FUT8: variants seen among roughly 807,000 people sequenced by gnomAD.
FUT8 encodes the protein alpha-(1,6)-fucosyltransferase.
A neutral mutation model predicts 71.3 loss-of-function variants in FUT8; 29 were observed. That is an observed-to-expected ratio of 0.41 (90% CI 0.30 to 0.55). FUT8 has a LOEUF of 0.55. Ranked by LOEUF, FUT8 falls within the 20% of genes least tolerant of loss-of-function variation. The pLI, the probability that FUT8 is intolerant of heterozygous loss-of-function variation, is 0.34. For missense variants in FUT8, 544 were observed against 702.1 expected (o/e 0.77, Z 2.55); for synonymous variants, 254 against 239.3 (o/e 1.06, Z -0.57).
Position 65,709,098 on chromosome 14 carries a change from C to T in FUT8, c.836-12677C>T, listed in dbSNP as rs574039438. Among the ~76,000 whole-genome samples the T allele has an allele frequency of 4.6e-5, 7 of 152,144 alleles. No individual in the cohort carries two copies. In the South Asian group the frequency reaches 1.5e-3, roughly 32 times the overall value. Reference sequence around the variant, plus strand: ...TACAACGTATATAAATATCAAAACACCACATTGAACCCCATAAAAATACAT... The same window carrying T: ...TACAACGTATATAAATATCAAAACATCACATTGAACCCCATAAAAATACAT... On this transcript the variant is annotated intron_variant, in intron 7 of 10. Coordinates refer to ENST00000673929, the MANE Select transcript of FUT8 (RefSeq NM_001371533.1).
the FUT8 span, among the ~76,000 whole-genome samples, chr14:65,390,196 A>G: frequency 2.3e-4 from 35 of 151,114 alleles, no homozygotes; most frequent in East Asian, 4.4e-3. Context: ...ATATATATGT[A>G]TATATACAGT....
At chr14:65,540,663 A>T (rs1178841882) in intron 2 of FUT8, among the ~76,000 whole-genome samples, 1 of 152,222 alleles carries the variant, frequency 6.6e-6, no homozygotes, top group Non-Finnish European at 1.5e-5. Flanking sequence ...ATACTCTGTA[A>T]TGTTCAGAAT....
chr14:65,700,090 C>T (rs966559174), intron 7 of FUT8, among the ~76,000 whole-genome samples: 1 of 152,134 alleles, frequency 6.6e-6, no homozygotes, highest in Admixed American at 6.5e-5. Flanking sequence ...GTAACATAAT[C>T]TGATTATGTT....
intron 7 of FUT8, among the ~76,000 whole-genome samples, chr14:65,684,372 G>A (rs1956010): frequency 0.6 from 90,678 of 151,946 alleles, 27,484 homozygotes; most frequent in East Asian, 0.75. Context: ...GGTCTTTAGA[G>A]TATGCTAAGA....
intron 2 of FUT8, among the ~76,000 whole-genome samples, chr14:65,458,783 TTTTC>T (rs1404425075): frequency 3.3e-5 from 5 of 151,312 alleles, no homozygotes; most frequent in Non-Finnish European, 7.4e-5. Context: ...CTTTCTTTTC[TTTTC>T]TTTCTTTTTT....
rs1267344913 is a variant in FUT8, at chr14:65,643,058, A to G, written c.597+13452A>G. 6.6e-6 allele frequency among the ~76,000 whole-genome samples: 1 copy of G among 152,166 alleles called. No homozygotes were observed. The highest frequency in any genetic ancestry group is 2.4e-5 in the African/African-American group (1 of 41,438). On this transcript the variant is annotated intron_variant, in intron 6 of 10. Transcript: ENST00000673929. The surrounding 1 kb of genome is among the most constrained non-coding windows in gnomAD (Gnocchi z 4.5). ...TAGGATAACTTACAGTAAGCCACAA[A>G]TTAATTCCTCCTTCATTTAAAACTA...
At chr14:65,535,004 A>G (rs1884200045) in intron 2 of FUT8, among the ~76,000 whole-genome samples, 2 of 151,100 alleles carry the variant, frequency 1.3e-5, no homozygotes, top group Admixed American at 1.3e-4. Context: ...TTTAGTTGTG[A>G]TATTAGGTTG....
chr14:65,363,665 G>A, the FUT8 span, among the ~76,000 whole-genome samples: 2 of 152,232 alleles, frequency 1.3e-5, no homozygotes, highest in East Asian at 3.9e-4. Flanking sequence ...AAGACAAAGG[G>A]ACACAGAGAA....
intron 7 of FUT8, among the ~76,000 whole-genome samples, chr14:65,671,821 A>G (rs916236186): frequency 2.6e-5 from 4 of 152,228 alleles, no homozygotes; most frequent in Non-Finnish European, 5.9e-5. Flanking sequence ...ACTATTGAAC[A>G]TATTTCCAAG....
intron 6 of FUT8, among the ~76,000 whole-genome samples, chr14:65,664,662 A>G (rs1342073854): frequency 6.6e-6 from 1 of 152,078 alleles, no homozygotes; most frequent in Non-Finnish European, 1.5e-5. Context: ...CTTTGGAATC[A>G]TTTTATAGAC....
At chr14:65,662,480 C>T (rs183068898) in intron 6 of FUT8, among the ~76,000 whole-genome samples, 176 of 152,264 alleles carry the variant, frequency 1.2e-3, no homozygotes, top group Non-Finnish European at 1.9e-3. Context: ...TTTATATGTA[C>T]TATGATGACA....
Position 65,472,088 on chromosome 14 carries a change from T to C in FUT8, c.-228+16370T>C, listed in dbSNP as rs2066155962. 6.6e-6 allele frequency among the ~76,000 whole-genome samples: 1 copy of C among 152,192 alleles called. No homozygotes were observed. Among genetic ancestry groups the C allele is most frequent in the African/African-American group, 2.4e-5 (1 of 41,446 alleles). ...GTTGCTATGTAGGAATACCTGAGGC[T>C]AGGTAATTTATAAAGAGTTTGATTT... On this transcript the variant is annotated intron_variant, in intron 2 of 10. Transcript: ENST00000673929. This position sits in a 1 kb window ranked among gnomAD's most constrained non-coding sequence, Gnocchi z 4.4.
At chr14:65,595,284 G>A (rs536053853) in intron 3 of FUT8, among the ~76,000 whole-genome samples, 21 of 152,242 alleles carry the variant, frequency 1.4e-4, no homozygotes, top group South Asian at 6.2e-4. Context: ...TCAGAATGCC[G>A]TTAACTAGCA....
rs1443107017 is a variant in FUT8 at position 65,489,609 on chromosome 14, T to A, written c.-228+33891T>A. ...AATTGTCCAGGAAATTAGCTGTTGA[T>A]CATATTTAAAATATAACATAAAAAT... is the stretch of plus-strand genomic sequence containing the variant. On this transcript the variant is annotated intron_variant, in intron 2 of 10. Coordinates refer to ENST00000673929, the MANE Select transcript of FUT8 (RefSeq NM_001371533.1). This position sits in a 1 kb window ranked among gnomAD's most constrained non-coding sequence, Gnocchi z 4.0. 6.6e-6 allele frequency among the ~76,000 whole-genome samples: 1 copy of A among 152,170 alleles called. No homozygotes were observed. The highest frequency in any genetic ancestry group is 1.5e-5 in the Non-Finnish European group (1 of 68,000).
At chr14:65,671,219 G>A (rs1566887160) in intron 7 of FUT8, among the ~76,000 whole-genome samples, 1 of 152,168 alleles carries the variant, frequency 6.6e-6, no homozygotes, top group Non-Finnish European at 1.5e-5. Flanking sequence ...TCAGAAAAGT[G>A]AAAAGTTACA....
chr14:65,376,222 A>T, the FUT8 span, among the ~76,000 whole-genome samples: 1 of 152,214 alleles, frequency 6.6e-6, no homozygotes, highest in African/African-American at 2.4e-5. Flanking sequence ...CATGATTATT[A>T]TTCTAGCAAA....
At chr14:65,474,628 G>C (rs1192785867) in intron 2 of FUT8, among the ~76,000 whole-genome samples, 1 of 151,790 alleles carries the variant, frequency 6.6e-6, no homozygotes, top group South Asian at 2.1e-4. Flanking sequence ...AAGATCTTCT[G>C]TTGTACCTAA....
At position 65,658,169 on chromosome 14, in the gene FUT8, T is replaced by C. The variant is rs533257362; in HGVS notation, c.598-11074T>C. Among the ~76,000 whole-genome samples, 6 of 152,056 alleles carry C rather than the reference T, an allele frequency of 3.9e-5. No individual in the cohort carries two copies. In the East Asian group the frequency reaches 1.2e-3, roughly 29 times the overall value. On this transcript the variant is annotated intron_variant, in intron 6 of 10. Coordinates refer to ENST00000673929, the MANE Select transcript of FUT8 (RefSeq NM_001371533.1). ...GGCAAAAGTCTTGTACAGACGGCTA[T>C]GCAAAAGACATATACAGATGACAAA... is the stretch of plus-strand genomic sequence containing the variant.
At chr14:65,717,739 C>G (rs1895197307) in intron 7 of FUT8, among the ~76,000 whole-genome samples, 1 of 150,352 alleles carries the variant, frequency 6.7e-6, no homozygotes. Flanking sequence ...GCGCTCCTCA[C>G]CTCTCAGACG....
Sources: allele counts gnomAD v4.1 joint callset (sites outside exome capture counted in the v4.1 genomes callset), GRCh38; gene constraint gnomAD v4.1.1; non-coding constraint Gnocchi (gnomAD v3.1); transcripts MANE v1.5; gene names NCBI Gene and HGNC (gene_info 2026-07-23, HGNC 2026-07-21).